The following WDR7 variants were observed in gnomAD, a reference collection of about 807,000 sequenced individuals.
The protein encoded by WDR7 is WD repeat-containing protein 7.
A neutral mutation model predicts 169.4 loss-of-function variants in WDR7; 46 were observed. That is an observed-to-expected ratio of 0.27 (90% CI 0.21 to 0.35). WDR7 has a LOEUF of 0.35. Among genes scored for constraint, WDR7 ranks in the 10% least tolerant of loss-of-function variants. The pLI is 1.00. For synonymous variants in WDR7, 612 were observed against 666.8 expected (o/e 0.92, Z 1.27); for missense variants, 1,534 against 1,859.3 (o/e 0.83, Z 3.22).
intron 19 of WDR7, among the ~76,000 whole-genome samples, chr18:56,810,360 G>A (rs185342230): frequency 4.6e-5 from 7 of 152,122 alleles, no homozygotes; most frequent in Admixed American, 2.0e-4. Flanking sequence ...GTTAGAAATC[G>A]CAAGTAGTCT....
At chr18:56,653,129 C>T (rs1213626111) in intron 1 of WDR7, among the ~76,000 whole-genome samples, 2 of 151,800 alleles carry the variant, frequency 1.3e-5, no homozygotes, top group Non-Finnish European at 2.9e-5. Flanking sequence ...TCATTTTGGA[C>T]CTCAGGTGCA....
At chr18:56,783,563 G>A (rs1432948634) in intron 19 of WDR7, among the ~76,000 whole-genome samples, 3 of 152,090 alleles carry the variant, frequency 2.0e-5, no homozygotes, top group Non-Finnish European at 4.4e-5. Flanking sequence ...TGAGACATTG[G>A]TGCTTTTAAG....
intron 12 of WDR7, among the ~76,000 whole-genome samples, chr18:56,714,819 T>C (rs2026158348): frequency 6.6e-6 from 1 of 152,216 alleles, no homozygotes; most frequent in Non-Finnish European, 1.5e-5. Flanking sequence ...TTTAGTTAAA[T>C]ATATGTGTCA....
At chr18:56,892,709 A>G (rs910291184) in intron 21 of WDR7, among the ~76,000 whole-genome samples, 1 of 152,100 alleles carries the variant, frequency 6.6e-6, no homozygotes, top group Non-Finnish European at 1.5e-5. Flanking sequence ...AAAACTACCA[A>G]TCCCTACTGT....
rs749979552 is a variant in WDR7, at chr18:56,756,618, G to T, written c.2025G>T (p.Met675Ile). 1.9e-6 allele frequency: 3 copies of T among 1,610,838 alleles called. No homozygotes were observed. The highest frequency in any genetic ancestry group is 2.2e-5 in the South Asian group (2 of 90,112). ...NLPKYSHNSLMVQAIKTNLTD... is the reference protein window; with the variant it reads ...NLPKYSHNSLIVQAIKTNLTD... ...CTAAATATTCTCATAACTCCCTGAT[G>T]GTTCAAGCAATAAAGACAAACCTAA... Residue 675 changes from methionine (M) to isoleucine (I), a missense_variant, in exon 15 of 28, where the codon ATG becomes ATT. By Grantham distance (10) the Met-to-Ile change is conservative (BLOSUM62 1). Coordinates refer to ENST00000254442, the MANE Select transcript of WDR7 (RefSeq NM_015285.3).
At chr18:56,942,309 AATG>A (rs2047045283) in intron 25 of WDR7, among the ~76,000 whole-genome samples, 1 of 152,046 alleles carries the variant, frequency 6.6e-6, no homozygotes, top group African/African-American at 2.4e-5. Flanking sequence ...TTAGCATTAT[AATG>A]ATAATATTAA....
intron 26 of WDR7, among the ~76,000 whole-genome samples, chr18:56,979,147 A>G (rs973207804): frequency 1.3e-4 from 20 of 152,152 alleles, no homozygotes; most frequent in African/African-American, 4.6e-4. Flanking sequence ...TTGCCTATAT[A>G]TGGGTTATTA....
At chr18:57,031,877 T>C (rs905947985), downstream of WDR7, 5 of 152,228 alleles carry the variant, frequency 3.3e-5, no homozygotes, top group African/African-American at 1.2e-4. Flanking sequence ...AGATGTAAGC[T>C]AATATTTTTA....
downstream of WDR7, chr18:57,032,303 G>A (rs1252923214): frequency 1.3e-5 from 2 of 152,222 alleles, no homozygotes; most frequent in Non-Finnish European, 2.9e-5. Context: ...CAAAAGTATT[G>A]TAGAGTGGAT....
chr18:56,848,910 C>A (rs760271093), intron 20 of WDR7, among the ~76,000 whole-genome samples: 7 of 152,160 alleles, frequency 4.6e-5, no homozygotes, highest in Non-Finnish European at 7.3e-5. Context: ...TCATAAATTA[C>A]CCAGCCTCAG....
intron 22 of WDR7, among the ~76,000 whole-genome samples, chr18:56,925,449 C>T (rs1405002543): frequency 6.6e-6 from 1 of 152,128 alleles, no homozygotes; most frequent in Non-Finnish European, 1.5e-5. Context: ...TTAGTATAAT[C>T]ATCCCAGTGG....
At chr18:57,018,601 T>A (rs1230823242) in intron 26 of WDR7, among the ~76,000 whole-genome samples, 3 of 152,204 alleles carry the variant, frequency 2.0e-5, no homozygotes, top group African/African-American at 7.2e-5. Flanking sequence ...AAATCTTGTT[T>A]TTACAGAAGA....
chr18:56,771,599 T>C (rs1040171659), intron 16 of WDR7, among the ~76,000 whole-genome samples: 8 of 119,694 alleles, frequency 6.7e-5, no homozygotes, highest in African/African-American at 2.4e-4. Flanking sequence ...AAAAAAATAC[T>C]GGCCGGGCAC....
intron 13 of WDR7, among the ~76,000 whole-genome samples, chr18:56,725,836 G>A (rs1459232037): frequency 6.6e-6 from 1 of 152,112 alleles, no homozygotes; most frequent in Admixed American, 6.5e-5. Context: ...TTTGTATAAG[G>A]TATAAGGAAG....
At chr18:56,705,248 T>G (rs1382400442) in intron 12 of WDR7, among the ~76,000 whole-genome samples, 1 of 152,194 alleles carries the variant, frequency 6.6e-6, no homozygotes, top group African/African-American at 2.4e-5. Context: ...AATATCTGAC[T>G]ATCTGCCATA....
chr18:56,907,842 G>C (rs1391005235), intron 21 of WDR7, among the ~76,000 whole-genome samples: 1 of 152,028 alleles, frequency 6.6e-6, no homozygotes, highest in Non-Finnish European at 1.5e-5. Context: ...TAGTGCCCAG[G>C]ACCCCCACCT....
At chr18:56,900,102 ATATATAT>A (rs1257294239) in intron 21 of WDR7, among the ~76,000 whole-genome samples, 9 of 148,404 alleles carry the variant, frequency 6.1e-5, no homozygotes, top group African/African-American at 2.2e-4. Context: ...ATATATATAT[ATATATAT>A]AAAATTGTTA....
chr18:56,874,231 G>A (rs1304763682), intron 20 of WDR7, among the ~76,000 whole-genome samples: 2 of 152,036 alleles, frequency 1.3e-5, no homozygotes, highest in African/African-American at 2.4e-5. Context: ...ACTTTTTCTA[G>A]AATTAAGGTT....
chr18:56,713,023 C>A (rs2430906), intron 12 of WDR7, among the ~76,000 whole-genome samples: 1 of 152,072 alleles, frequency 6.6e-6, no homozygotes, highest in South Asian at 2.1e-4. Context: ...TTTGTTTCCA[C>A]TTAAAATGTG....
Sources: gnomAD v4.1 joint callset for allele counts (sites outside exome capture counted in the v4.1 genomes callset) on GRCh38, gnomAD v4.1.1 for gene constraint, MANE v1.5 for transcripts, NCBI Gene and HGNC (gene_info 2026-07-23, HGNC 2026-07-21) for gene names.